Variants in NUMB observed in about 807,000 individuals in gnomAD.
NUMB encodes the protein NUMB endocytic adaptor protein, also known as protein numb homolog.
NUMB carries 29 observed loss-of-function variants against 59.7 expected under a neutral mutation model. The observed-to-expected ratio is 0.49, with a 90% CI of 0.36 to 0.66. The LOEUF (loss-of-function observed/expected upper bound fraction) is 0.66, where lower values mean the gene tolerates loss of function less well. Ranked by LOEUF, NUMB falls within the 30% of genes least tolerant of loss-of-function variation. The probability of loss-of-function intolerance (pLI) is 0.00; values close to 1 mark genes in which losing one functional copy is unlikely to be tolerated. For missense variants in NUMB, 723 were observed against 822.0 expected (o/e 0.88, Z 1.47); for synonymous variants, 288 against 288.2 (o/e 1.00, Z 0.01).
rs71112745 is a variant in NUMB at position 73,386,867 on chromosome 14, A to ATTTTTTTTTTT, written c.-100-19897_-100-19887dup. ...TACAAGACAATCTATCAGGTGTCTT[A>ATTTTTTTTTTT]TTTTTTTTTTTTTTTTTTTTTTTTT... On this transcript the variant is annotated intron_variant, in intron 2 of 12. Transcript: ENST00000555238. 8.4e-4 allele frequency among the ~76,000 whole-genome samples: 67 copies of ATTTTTTTTTTT among 79,842 alleles called. 6 individuals carry two copies. The highest frequency in any genetic ancestry group is 1.1e-3 in the Non-Finnish European group (50 of 44,262). The allele number at this position is 79,842 out of a possible 152,430, so 52.4% of individuals were successfully genotyped here. A position where few individuals can be genotyped will look rare whatever the true frequency, so the allele number is the denominator to read the frequency against.
intron 1 of NUMB, among the ~76,000 whole-genome samples, chr14:73,444,744 G>A (rs1595047137): frequency 6.7e-6 from 1 of 150,136 alleles, no homozygotes; most frequent in Admixed American, 6.7e-5. Flanking sequence ...GTAGTCCCAG[G>A]TACTCAGGAG....
chr14:73,318,512 T>C (rs1306858672), intron 5 of NUMB, among the ~76,000 whole-genome samples: 2 of 152,100 alleles, frequency 1.3e-5, no homozygotes, highest in Non-Finnish European at 2.9e-5. Context: ...TAAGAAACAA[T>C]GGGAAGAAAT....
rs188030110 is a variant in NUMB, at chr14:73,295,695, G to A, written c.309+1516C>T. Reference sequence around the variant, plus strand: ...TGCCAGACTTTCTCCCCTTTCAGTGGCATTTGAATTTTTTTTTTTTAATTA... The same window carrying A: ...TGCCAGACTTTCTCCCCTTTCAGTGACATTTGAATTTTTTTTTTTTAATTA... On this transcript the variant is annotated intron_variant, in intron 7 of 12. Transcript: ENST00000555238. Among the ~76,000 whole-genome samples the A allele has an allele frequency of 4.1e-4, 62 of 152,004 alleles. 1 individual carries two copies. Among genetic ancestry groups the A allele is most frequent in the African/African-American group, 1.4e-3 (60 of 41,394 alleles).
chr14:73,413,034 G>C (rs1316157557), intron 1 of NUMB, among the ~76,000 whole-genome samples: 2 of 151,924 alleles, frequency 1.3e-5, no homozygotes, highest in Non-Finnish European at 1.5e-5. Flanking sequence ...AAAACAGGCT[G>C]TCTGACTCCA....
chr14:73,346,113 G>C (rs1261830166), intron 4 of NUMB, among the ~76,000 whole-genome samples: 1 of 152,026 alleles, frequency 6.6e-6, no homozygotes, highest in Non-Finnish European at 1.5e-5. Flanking sequence ...ATCTCACTTT[G>C]AGAAGCACTA....
intron 2 of NUMB, among the ~76,000 whole-genome samples, chr14:73,398,461 C>G (rs61985843): frequency 7.1e-6 from 1 of 140,684 alleles, no homozygotes; most frequent in East Asian, 2.4e-4. Flanking sequence ...TGTTTAAAGA[C>G]CAGAAAAATA....
intron 6 of NUMB, among the ~76,000 whole-genome samples, chr14:73,306,511 A>G (rs2139872883): frequency 6.6e-6 from 1 of 152,224 alleles, no homozygotes; most frequent in Admixed American, 6.5e-5. Flanking sequence ...TTCCTTCTCA[A>G]CACCCCTAGG....
intron 6 of NUMB, among the ~76,000 whole-genome samples, chr14:73,314,964 C>T (rs1306318371): frequency 6.6e-6 from 1 of 152,048 alleles, no homozygotes; most frequent in African/African-American, 2.4e-5. Context: ...AAGATTCTTT[C>T]TAGATATGTA....
At chr14:73,422,974 A>C (rs1487857001) in intron 1 of NUMB, among the ~76,000 whole-genome samples, 1 of 152,070 alleles carries the variant, frequency 6.6e-6, no homozygotes, top group Non-Finnish European at 1.5e-5. Flanking sequence ...TTTTGTTTAA[A>C]TTTAATCCTT....
At chr14:73,311,384 A>G (rs1890770309) in intron 6 of NUMB, among the ~76,000 whole-genome samples, 1 of 152,182 alleles carries the variant, frequency 6.6e-6, no homozygotes. Flanking sequence ...TAGTTTGGAA[A>G]AAGTTATTTC....
intron 6 of NUMB, among the ~76,000 whole-genome samples, chr14:73,310,061 AT>A (rs1399602663): frequency 6.6e-6 from 1 of 152,184 alleles, no homozygotes; most frequent in Non-Finnish European, 1.5e-5. Context: ...AGATATTATA[AT>A]ATTTTTGGTG....
intron 1 of NUMB, among the ~76,000 whole-genome samples, chr14:73,457,297 A>G (rs994398384): frequency 6.6e-6 from 1 of 152,068 alleles, no homozygotes. Context: ...TACTGCCATC[A>G]TCCTAAAACA....
In NUMB at chr14:73,302,677, G is replaced by A. The variant is rs879270862; in HGVS notation, c.235-5392C>T. 2.4e-3 allele frequency among the ~76,000 whole-genome samples: 372 copies of A among 151,930 alleles called. 6 individuals carry two copies. The highest frequency in any genetic ancestry group is 3.7e-4 in the Non-Finnish European group (25 of 68,002). On this transcript the variant is annotated intron_variant, in intron 6 of 12. Coordinates refer to ENST00000555238, the MANE Select transcript of NUMB (RefSeq NM_001005743.2). ...TCCGCCCACTTTAGCCTCTCAAAGT[G>A]CTGGGATTACAGGCATGAGCCACTG...
intron 1 of NUMB, among the ~76,000 whole-genome samples, chr14:73,411,678 T>C (rs1896900091): frequency 6.6e-6 from 1 of 152,174 alleles, no homozygotes; most frequent in Non-Finnish European, 1.5e-5. Flanking sequence ...CAATAAAGTT[T>C]ATTAGAAAAA....
intron 1 of NUMB, among the ~76,000 whole-genome samples, chr14:73,422,549 G>A (rs1037638627): frequency 3.9e-5 from 6 of 152,124 alleles, no homozygotes; most frequent in Non-Finnish European, 8.8e-5. Context: ...AGGTTTAACT[G>A]GCTCATGGTT....
At chr14:73,377,020 A>G (rs1033849894) in intron 2 of NUMB, among the ~76,000 whole-genome samples, 1 of 152,226 alleles carries the variant, frequency 6.6e-6, no homozygotes, top group African/African-American at 2.4e-5. Flanking sequence ...AATGAAAAAG[A>G]AAAAAGAAAA....
chr14:73,399,801 T>C (rs1566780198), intron 2 of NUMB, among the ~76,000 whole-genome samples: 1 of 151,842 alleles, frequency 6.6e-6, no homozygotes, highest in Non-Finnish European at 1.5e-5. Flanking sequence ...CCCAACACTT[T>C]GGGAGGCCAA....
chr14:73,361,822 G>T (rs1296312912), intron 3 of NUMB, among the ~76,000 whole-genome samples: 2 of 152,108 alleles, frequency 1.3e-5, no homozygotes, highest in African/African-American at 4.8e-5. Context: ...AGAACACAAT[G>T]AAAGAGACAG....
At chr14:73,297,873 C>G (rs1889881702) in intron 6 of NUMB, 1 of 151,876 alleles carries the variant, frequency 6.6e-6, no homozygotes, top group African/African-American at 2.4e-5. Flanking sequence ...AGAGTTAACA[C>G]AGACATTTTT....
Sources: allele counts gnomAD v4.1 joint callset (sites outside exome capture counted in the v4.1 genomes callset), GRCh38; gene constraint gnomAD v4.1.1; transcripts MANE v1.5; gene names NCBI Gene and HGNC (gene_info 2026-07-23, HGNC 2026-07-21).